Variants in SPMAP2L observed in about 807,000 individuals in gnomAD.
SPMAP2L encodes the protein sperm microtubule associated protein 2 like.
chr4:56,593,630 G>A, the SPMAP2L span: 1 of 1,605,020 alleles, frequency 6.2e-7, no homozygotes, highest in Non-Finnish European at 8.5e-7. Context: ...AGTGCCACTG[G>A]GCTATGGGGG....
the SPMAP2L span, among the ~76,000 whole-genome samples, chr4:56,552,924 TGAGAA>T: frequency 2.0e-5 from 3 of 152,080 alleles, no homozygotes. Flanking sequence ...CGGACAGACT[TGAGAA>T]CCACTGCTCA....
the SPMAP2L span, among the ~76,000 whole-genome samples, chr4:56,618,839 G>T: frequency 6.6e-6 from 1 of 152,170 alleles, no homozygotes; most frequent in Non-Finnish European, 1.5e-5. Flanking sequence ...CAGCCGGGGT[G>T]TTTGAAAAAT....
the SPMAP2L span, among the ~76,000 whole-genome samples, chr4:56,551,331 G>A: frequency 3.9e-5 from 6 of 152,258 alleles, no homozygotes; most frequent in Admixed American, 2.6e-4. Context: ...GATAGGTTTG[G>A]GAGAGAGAAT....
At chr4:56,574,817 G>A in the SPMAP2L span, among the ~76,000 whole-genome samples, 1,105 of 151,794 alleles carry the variant, frequency 7.3e-3, 18 homozygotes, top group African/African-American at 0.025. Context: ...CCATGTCTAC[G>A]AAAAAATTTT....
chr4:56,603,640 T>A, the SPMAP2L span: 1 of 203,832 alleles, frequency 4.9e-6, no homozygotes, highest in African/African-American at 2.3e-5. Context: ...ACACTCTTCC[T>A]TATATTTGTG....
At chr4:56,626,173 C>T in the SPMAP2L span, among the ~76,000 whole-genome samples, 1 of 152,186 alleles carries the variant, frequency 6.6e-6, no homozygotes, top group African/African-American at 2.4e-5. Flanking sequence ...GCCATAGCCT[C>T]CCATGGGTGA....
chr4:56,555,735 T>G, the SPMAP2L span, among the ~76,000 whole-genome samples: 6 of 147,176 alleles, frequency 4.1e-5, no homozygotes, highest in Admixed American at 4.2e-4. Context: ...AATAGCATTG[T>G]GTTTTTTATT....
At chr4:56,600,812 T>C in the SPMAP2L span, 1 of 986,462 alleles carries the variant, frequency 1.0e-6, no homozygotes, top group African/African-American at 1.6e-5. Flanking sequence ...GAGAGACCAG[T>C]TACGAGTCTG....
At chr4:56,615,902 G>A in the SPMAP2L span, among the ~76,000 whole-genome samples, 17,782 of 151,998 alleles carry the variant, frequency 0.12, 1,319 homozygotes, top group East Asian at 0.22. Context: ...CTAATGTGCC[G>A]CCAAGAACCG....
chr4:56,608,632 C>A, the SPMAP2L span, among the ~76,000 whole-genome samples: 2 of 152,136 alleles, frequency 1.3e-5, no homozygotes, highest in Non-Finnish European at 2.9e-5. Context: ...CCTCAGCCAC[C>A]CCAGGTATGG....
At chr4:56,597,235 G>A in the SPMAP2L span, among the ~76,000 whole-genome samples, 1 of 152,088 alleles carries the variant, frequency 6.6e-6, no homozygotes, top group African/African-American at 2.4e-5. Flanking sequence ...ACTAAAGTTG[G>A]GATGCACTTG....
chr4:56,559,354 A>ATT, the SPMAP2L span: 14,174 of 1,141,690 alleles, frequency 0.012, 81 homozygotes, highest in Non-Finnish European at 0.014. Context: ...CTAGCAATCA[A>ATT]TTTTTTTTTA....
At chr4:56,618,222 T>A in the SPMAP2L span, among the ~76,000 whole-genome samples, 7 of 152,144 alleles carry the variant, frequency 4.6e-5, no homozygotes, top group Non-Finnish European at 8.8e-5. Context: ...TCTCTTCCCT[T>A]CCCAGCACTC....
chr4:56,592,754 T>C, the SPMAP2L span, among the ~76,000 whole-genome samples: 1 of 151,912 alleles, frequency 6.6e-6, no homozygotes, highest in South Asian at 2.1e-4. Flanking sequence ...CTGGGCGCCG[T>C]GGGGCCGGGA....
At chr4:56,575,622 A>G in the SPMAP2L span, 28 of 1,535,438 alleles carry the variant, frequency 1.8e-5, no homozygotes, top group Middle Eastern at 3.3e-4. Flanking sequence ...ATGGATTCAA[A>G]AGACAGTGTC....
the SPMAP2L span, among the ~76,000 whole-genome samples, chr4:56,544,405 T>G: frequency 6.6e-6 from 1 of 152,136 alleles, no homozygotes; most frequent in Non-Finnish European, 1.5e-5. Context: ...TGAAGAATAA[T>G]TTTTTGGGGA....
At chr4:56,593,598 T>C in the SPMAP2L span, 3 of 1,604,490 alleles carry the variant, frequency 1.9e-6, no homozygotes, top group Non-Finnish European at 2.6e-6. Context: ...GACATCGCCT[T>C]GGGCAGCTCC....
the SPMAP2L span, among the ~76,000 whole-genome samples, chr4:56,540,407 G>A: frequency 1.3e-5 from 2 of 152,104 alleles, no homozygotes; most frequent in Non-Finnish European, 2.9e-5. Flanking sequence ...GCCGGGAGTG[G>A]TGGTGCACGC....
At chr4:56,552,762 C>T in the SPMAP2L span, 1 of 597,376 alleles carries the variant, frequency 1.7e-6, no homozygotes, top group African/African-American at 1.9e-5. Context: ...AAGGCTAACC[C>T]TTGGTCAGTG....
Sources: gnomAD v4.1 joint callset for allele counts (sites outside exome capture counted in the v4.1 genomes callset) on GRCh38, gnomAD v4.1.1 for gene constraint, MANE v1.5 for transcripts, NCBI Gene and HGNC (gene_info 2026-07-23, HGNC 2026-07-21) for gene names.